Variants in PIK3C2G observed in about 807,000 individuals in gnomAD.
PIK3C2G encodes phosphatidylinositol 3-kinase C2 domain-containing subunit gamma.
A neutral mutation model predicts 181.1 loss-of-function variants in PIK3C2G; 168 were observed. The ratio of observed to expected loss-of-function variants is 0.93; its 90% CI spans 0.82 to 1.05. PIK3C2G has a LOEUF of 1.05. Among genes scored for constraint, PIK3C2G ranks in the 50% least tolerant of loss-of-function variants. The pLI, the probability that PIK3C2G is intolerant of heterozygous loss-of-function variation, is 0.00. For synonymous variants in PIK3C2G, 573 were observed against 592.2 expected (o/e 0.97, Z 0.47); for missense variants, 1,869 against 1,732.8 (o/e 1.08, Z -1.40).
intron 31 of PIK3C2G, among the ~76,000 whole-genome samples, chr12:18,629,949 ACT>A (rs1400477070): frequency 2.6e-5 from 4 of 152,182 alleles, no homozygotes; most frequent in African/African-American, 7.2e-5. Flanking sequence ...TCAACAAATA[ACT>A]CTGAAGTACT....
chr12:18,640,684 A>C, intron 32 of PIK3C2G, 130 bp downstream of exon 32: 1 of 823,148 alleles, frequency 1.2e-6, no homozygotes, highest in Non-Finnish European at 1.9e-6. Flanking sequence ...TTTCCAAAGT[A>C]GTCGCAGTAT....
intron 18 of PIK3C2G, among the ~76,000 whole-genome samples, chr12:18,474,401 C>T (rs534724416): frequency 2.4e-4 from 36 of 152,164 alleles, no homozygotes; most frequent in African/African-American, 7.2e-4. Flanking sequence ...GGTAATGAGA[C>T]GTCCTGAAGC....
intron 24 of PIK3C2G, among the ~76,000 whole-genome samples, chr12:18,520,133 T>C (rs1440864249): frequency 6.6e-6 from 1 of 152,138 alleles, no homozygotes; most frequent in Non-Finnish European, 1.5e-5. Context: ...GGCATTTCTT[T>C]CTGGTTGCCC....
In PIK3C2G at chr12:18,410,324, G is replaced by A. The variant is rs371488297; in HGVS notation, c.2315+10477G>A. ...GTTTGAGACCAGCCTGGCCAACATG[G>A]TGAAACCCTGTCTCTACTGAAAATA... is the stretch of plus-strand genomic sequence containing the variant. On this transcript the variant is annotated intron_variant, in intron 16 of 32. Transcript: ENST00000538779. 1.0e-3 allele frequency among the ~76,000 whole-genome samples: 154 copies of A among 152,084 alleles called. 1 individual carries two copies. In the East Asian group the frequency reaches 0.029, roughly 29 times the overall value.
At chr12:18,312,641 T>C (rs919591210) in intron 5 of PIK3C2G, among the ~76,000 whole-genome samples, 1 of 152,038 alleles carries the variant, frequency 6.6e-6, no homozygotes, top group African/African-American at 2.4e-5. Flanking sequence ...TTTGTCTAGA[T>C]TGGCTGTGAA....
At chr12:18,422,483 T>C (rs1424480105) in intron 17 of PIK3C2G, among the ~76,000 whole-genome samples, 1 of 152,042 alleles carries the variant, frequency 6.6e-6, no homozygotes, top group Non-Finnish European at 1.5e-5. Context: ...AATTATGCAG[T>C]CTATATTAAA....
chr12:18,454,917 G>A (rs1364561070), intron 18 of PIK3C2G, among the ~76,000 whole-genome samples: 3 of 152,054 alleles, frequency 2.0e-5, no homozygotes, highest in Non-Finnish European at 4.4e-5. Context: ...ATTTCTGTAG[G>A]TCAGGAATTC....
chr12:18,641,861 TG>T (rs1208412788), intron 32 of PIK3C2G, among the ~76,000 whole-genome samples: 2 of 150,130 alleles, frequency 1.3e-5, no homozygotes, highest in African/African-American at 4.9e-5. Context: ...GCAATTCTCC[TG>T]TTTAAGCCAC....
Position 18,505,474 on chromosome 12 carries a change from A to G in PIK3C2G, c.3323+13A>G. 6.2e-7 allele frequency: 1 copy of G among 1,602,038 alleles called. No individual in the cohort carries two copies. ...GAGGGATAAAAAGGTCAGTGCACAAATGTTTATTACAGTAATTAAGCAGTG... is the reference window on the plus strand; with the variant it reads ...GAGGGATAAAAAGGTCAGTGCACAAGTGTTTATTACAGTAATTAAGCAGTG... On this transcript the variant is annotated intron_variant, in intron 24 of 32. Transcript: ENST00000538779.
chr12:18,484,565 G>A (rs1939861685), intron 18 of PIK3C2G, among the ~76,000 whole-genome samples: 1 of 152,120 alleles, frequency 6.6e-6, no homozygotes, highest in East Asian at 1.9e-4. Context: ...CTGCAGACTT[G>A]CCCCATATAA....
chr12:18,332,411 ACT>A (rs914273776), intron 8 of PIK3C2G, among the ~76,000 whole-genome samples: 3 of 152,032 alleles, frequency 2.0e-5, no homozygotes, highest in African/African-American at 4.8e-5. Context: ...CCTTAGGCAG[ACT>A]CTGTGTACTT....
rs1938949843 is a variant in PIK3C2G at position 18,476,016 on chromosome 12, T to C, written c.2505-12433T>C. ...ACAAGGGTGTAAAGTTACAGTTCTG[T>C]CCCGAAAGAATTTAAAATCTAGTAG... is the stretch of plus-strand genomic sequence containing the variant. On this transcript the variant is annotated intron_variant, in intron 18 of 32. Transcript: ENST00000538779. Among the ~76,000 whole-genome samples, 4 of 152,204 alleles carry C rather than the reference T, an allele frequency of 2.6e-5. No homozygotes were observed. In the South Asian group the frequency reaches 8.3e-4, roughly 32 times the overall value.
At chr12:18,446,333 A>G (rs1249175849) in intron 18 of PIK3C2G, among the ~76,000 whole-genome samples, 1 of 152,134 alleles carries the variant, frequency 6.6e-6, no homozygotes, top group African/African-American at 2.4e-5. Context: ...TTGGTTGGAT[A>G]AGCCAATTGG....
At chr12:18,698,813 G>T in the PIK3C2G span, among the ~76,000 whole-genome samples, 1 of 152,022 alleles carries the variant, frequency 6.6e-6, no homozygotes, top group Non-Finnish European at 1.5e-5. Context: ...ATTTTTAAAT[G>T]TACAATAAAC....
the PIK3C2G span, chr12:18,719,674 A>T: frequency 7.2e-7 from 1 of 1,386,034 alleles, no homozygotes; most frequent in Non-Finnish European, 9.9e-7. Context: ...ATGCAAAAAT[A>T]CCATTAGCAA....
At chr12:18,650,730 A>ATC (rs1950467089), downstream of PIK3C2G, among the ~76,000 whole-genome samples, 6 of 25,188 alleles carry the variant, frequency 2.4e-4, no homozygotes, top group South Asian at 9.1e-4. Flanking sequence ...ATATATATAT[A>ATC]TATATATATA....
chr12:18,286,121 G>C (rs1248194426), intron 2 of PIK3C2G, among the ~76,000 whole-genome samples: 1 of 151,960 alleles, frequency 6.6e-6, no homozygotes, highest in Non-Finnish European at 1.5e-5. Flanking sequence ...ATCAGGAAGA[G>C]ATAATAAATT....
chr12:18,420,772 A>G (rs1456649464), intron 16 of PIK3C2G, among the ~76,000 whole-genome samples, 169 bp from the exon 17 acceptor site: 1 of 152,156 alleles, frequency 6.6e-6, no homozygotes, highest in Non-Finnish European at 1.5e-5. Context: ...GAGAGTATAG[A>G]ATATGAAAAA....
intron 4 of PIK3C2G, among the ~76,000 whole-genome samples, chr12:18,292,157 C>T (rs1230446991): frequency 2.2e-5 from 3 of 138,612 alleles, no homozygotes; most frequent in Non-Finnish European, 3.0e-5. Context: ...TTGCAGTGAG[C>T]CGAGATCGCA....
Sources: allele counts gnomAD v4.1 joint callset (sites outside exome capture counted in the v4.1 genomes callset), GRCh38; gene constraint gnomAD v4.1.1; transcripts MANE v1.5; gene names NCBI Gene and HGNC (gene_info 2026-07-23, HGNC 2026-07-21).